The following TNFRSF10B variants were observed in gnomAD, a reference collection of about 807,000 sequenced individuals.
TNFRSF10B encodes the protein TNF receptor superfamily member 10b, also known as tumor necrosis factor receptor superfamily member 10B.
In TNFRSF10B, 35 loss-of-function variants were observed where a neutral mutation model predicts 41.4. The observed-to-expected ratio is 0.85, with a 90% CI of 0.65 to 1.12. The LOEUF is 1.12. Ranked by LOEUF, TNFRSF10B falls within the 50% of genes most tolerant of loss-of-function variation. The pLI is 0.00. For synonymous variants in TNFRSF10B, 230 were observed against 215.5 expected (o/e 1.07, Z -0.59); for missense variants, 584 against 552.7 (o/e 1.06, Z -0.57).
intron 2 of TNFRSF10B, among the ~76,000 whole-genome samples, chr8:23,037,957 G>T (rs1319638028): frequency 6.6e-6 from 1 of 152,192 alleles, no homozygotes; most frequent in Non-Finnish European, 1.5e-5. Context: ...GTTTCAGAGG[G>T]AGGAATGATT....
At chr8:23,030,992 A>C (rs1412091658) in intron 2 of TNFRSF10B, 120 bp from the exon 3 acceptor site, 1 of 730,794 alleles carries the variant, frequency 1.4e-6, no homozygotes, top group African/African-American at 1.7e-5. Context: ...AATCTCCTCT[A>C]CCTAGCTTGG....
At position 23,022,770 on chromosome 8, in the gene TNFRSF10B, C is replaced by A. The variant is rs773307893; in HGVS notation, c.1224G>T (p.Thr408=). The change falls in exon 9 of 9, where the codon ACG becomes ACT. Residue 408 remains threonine (T), a synonymous_variant. Transcript: ENST00000276431. The stretch of plus-strand genomic sequence containing the variant: ...TCTGCTTGGCAAGTCTCTCTCCCAG[C>A]GTCTCCAAGGCATCCAGCAGGGTGT... ...SVHTLLDALE[T]LGERLAKQKI... is the part of the protein sequence containing the mutation. 5 of 1,613,996 alleles carry A rather than the reference C, an allele frequency of 3.1e-6. No homozygotes were observed. In the South Asian group the frequency reaches 4.4e-5, roughly 14 times the overall value.
intron 1 of TNFRSF10B, among the ~76,000 whole-genome samples, chr8:23,056,306 A>G (rs919056586): frequency 4.6e-5 from 7 of 152,208 alleles, no homozygotes; most frequent in Admixed American, 2.0e-4. Flanking sequence ...TACTATAATA[A>G]GTAGATTTAC....
chr8:23,056,231 G>C (rs1167088289), intron 1 of TNFRSF10B, among the ~76,000 whole-genome samples: 1 of 152,160 alleles, frequency 6.6e-6, no homozygotes, highest in African/African-American at 2.4e-5. Flanking sequence ...TGTCCTTATA[G>C]AGTCATCAGC....
rs1326013773 is a variant in TNFRSF10B, at chr8:23,027,729, A to T, written c.773T>A (p.Val258Glu). ...CSGGGGDPER[V>E]DRSSQRPGAE... is the part of the protein sequence containing the mutation. ...CTGGAGAAATCAACTCACTCTGTCC[A>T]CACGCTCAGGGTCCCCACCACCACC... Residue 258 changes from valine (V) to glutamate (E), a missense_variant, in exon 6 of 9, where the codon GTG becomes GAG. Val to Glu is a moderately radical substitution (Grantham distance 121, BLOSUM62 -2). Transcript: ENST00000276431. The T allele has an allele frequency of 1.2e-6, 2 of 1,613,988 alleles. No individual in the cohort carries two copies. Among genetic ancestry groups the T allele is most frequent in the Non-Finnish European group, 1.7e-6 (2 of 1,179,948 alleles).
chr8:23,028,623 A>G (rs763572715), intron 4 of TNFRSF10B, 21 bp from the exon 5 acceptor site: 1 of 1,613,610 alleles, frequency 6.2e-7, no homozygotes, highest in African/African-American at 1.3e-5. Flanking sequence ...ACACAGAGGG[A>G]GAGGGGGGAC....
intron 7 of TNFRSF10B, among the ~76,000 whole-genome samples, chr8:23,025,035 G>A (rs527833284): frequency 1.3e-4 from 20 of 152,238 alleles, no homozygotes; most frequent in South Asian, 1.0e-3. Context: ...ACTGTCGTCC[G>A]AGCTACTCAG....
At chr8:23,059,274 G>T (rs1812755829) in intron 1 of TNFRSF10B, among the ~76,000 whole-genome samples, 1 of 152,108 alleles carries the variant, frequency 6.6e-6, no homozygotes, top group Non-Finnish European at 1.5e-5. Flanking sequence ...TTTGGCTATT[G>T]TGAATAATAC....
At chr8:23,058,719 A>C (rs1812740754) in intron 1 of TNFRSF10B, among the ~76,000 whole-genome samples, 1 of 152,110 alleles carries the variant, frequency 6.6e-6, no homozygotes, top group East Asian at 1.9e-4. Flanking sequence ...TCCCAATCTC[A>C]GGTGATCTGC....
chr8:23,041,529 CTCAATCAGTCAA>C (rs1401376573), intron 2 of TNFRSF10B, among the ~76,000 whole-genome samples: 2 of 150,386 alleles, frequency 1.3e-5, no homozygotes, highest in East Asian at 3.9e-4. Context: ...GAAATCCTAT[CTCAATCAGTCAA>C]TCAATCAATC....
rs141857894 is a variant in TNFRSF10B, at chr8:23,049,509, A to C, written c.145-6266T>G. On this transcript the variant is annotated intron_variant, in intron 1 of 8. Transcript: ENST00000276431. Reference sequence around the variant, plus strand: ...CCCAGCACCTGGACCCATTTAGATTAAGTAAATTTACTGAGGCTCCAGAGG... The same window carrying C: ...CCCAGCACCTGGACCCATTTAGATTCAGTAAATTTACTGAGGCTCCAGAGG... Among the ~76,000 whole-genome samples, 491 of 152,312 alleles carry C rather than the reference A, an allele frequency of 3.2e-3. 2 individuals are homozygous for C. Among genetic ancestry groups the C allele is most frequent in the African/African-American group, 0.011 (458 of 41,556 alleles).
At chr8:23,024,822 T>A (rs900081823) in intron 7 of TNFRSF10B, among the ~76,000 whole-genome samples, 3 of 150,386 alleles carry the variant, frequency 2.0e-5, no homozygotes, top group Non-Finnish European at 3.0e-5. Flanking sequence ...CGTGAGCCAC[T>A]GCACCTAGCC....
chr8:23,024,848 C>A (rs1225668008), intron 7 of TNFRSF10B, among the ~76,000 whole-genome samples: 1 of 151,100 alleles, frequency 6.6e-6, no homozygotes, highest in East Asian at 2.0e-4. Flanking sequence ...GAATGTTAAA[C>A]CACATAGCAG....
chr8:23,041,476 G>T (rs1357723248), intron 2 of TNFRSF10B, among the ~76,000 whole-genome samples: 1 of 152,054 alleles, frequency 6.6e-6, no homozygotes, highest in Non-Finnish European at 1.5e-5. Flanking sequence ...AGGCTACAGT[G>T]AGCTATGATC....
In TNFRSF10B at chr8:23,030,779, C is replaced by T. The variant is rs529765232; in HGVS notation, c.344G>A (p.Arg115His). 25 of 1,612,804 alleles carry T rather than the reference C, an allele frequency of 1.6e-5. No individual in the cohort carries two copies. Among genetic ancestry groups the T allele is most frequent in the Admixed American group, 3.3e-5 (2 of 59,914 alleles). The change falls in exon 3 of 9, where the codon CGC (arginine) becomes CAC (histidine). Residue 115 changes from arginine to histidine, a missense_variant. By Grantham distance (29) the Arg-to-His change is conservative. Transcript: ENST00000276431. ...TGTACCTGAATCACACCTGGTGCAGCGCAAGCAGAAAAGGAGGTCATTCCA... is the reference window on the plus strand; with the variant it reads ...TGTACCTGAATCACACCTGGTGCAGTGCAAGCAGAAAAGGAGGTCATTCCA... ...THWNDLLFCL[R>H]CTRCDSGEVE...
In TNFRSF10B at chr8:23,028,509, T is replaced by C; in HGVS notation, c.570A>G (p.Glu190=). The change falls in exon 5 of 9, where the codon GAA becomes GAG. Residue 190 remains glutamate, a synonymous_variant. Coordinates refer to ENST00000276431, the MANE Select transcript of TNFRSF10B (RefSeq NM_003842.5). ...HKESGTKHSG[E]VPAVEETVTS... is the part of the protein sequence containing the mutation. ...TCACCGTCTCCTCCACAGCTGGGAC[T>C]TCCCCACTGTGCTTTGTACCTGATT... is the stretch of plus-strand genomic sequence containing the variant. 6.2e-7 allele frequency: 1 copy of C among 1,611,900 alleles called. No individual in the cohort carries two copies. The highest frequency in any genetic ancestry group is 8.5e-7 in the Non-Finnish European group (1 of 1,178,178).
intron 2 of TNFRSF10B, among the ~76,000 whole-genome samples, chr8:23,032,275 A>G (rs1811906464): frequency 6.6e-6 from 1 of 152,186 alleles, no homozygotes; most frequent in Non-Finnish European, 1.5e-5. Flanking sequence ...ATGAGCTCCT[A>G]GCCAGTGGAA....
chr8:23,042,059 G>C (rs1812217022), intron 2 of TNFRSF10B, among the ~76,000 whole-genome samples: 2 of 152,174 alleles, frequency 1.3e-5, no homozygotes. Context: ...GTTGAATTTG[G>C]TGCCTCGATT....
intron 1 of TNFRSF10B, among the ~76,000 whole-genome samples, chr8:23,064,301 A>G (rs560501413): frequency 4.5e-4 from 69 of 152,304 alleles, no homozygotes; most frequent in Non-Finnish European, 7.4e-4. Flanking sequence ...TAAAAACAAG[A>G]GAGGTACTGC....
Sources: gnomAD v4.1 joint callset for allele counts (sites outside exome capture counted in the v4.1 genomes callset) on GRCh38, gnomAD v4.1.1 for gene constraint, MANE v1.5 for transcripts, NCBI Gene and HGNC (gene_info 2026-07-23, HGNC 2026-07-21) for gene names.